The following LPGAT1 variants were observed in gnomAD, a reference collection of about 807,000 sequenced individuals.
The protein encoded by LPGAT1 is lysophosphatidylglycerol acyltransferase 1.
A neutral mutation model predicts 47.5 loss-of-function variants in LPGAT1; 11 were observed. The ratio of observed to expected loss-of-function variants is 0.23; its 90% CI spans 0.15 to 0.38. The LOEUF (loss-of-function observed/expected upper bound fraction) is 0.38, where lower values mean the gene tolerates loss of function less well. Ranked by LOEUF, LPGAT1 falls within the 10% of genes least tolerant of loss-of-function variation. The pLI, the probability that LPGAT1 is intolerant of heterozygous loss-of-function variation, is 1.00. For synonymous variants in LPGAT1, 138 were observed against 144.2 expected (o/e 0.96, Z 0.31); for missense variants, 293 against 439.0 (o/e 0.67, Z 2.97).
intron 2 of LPGAT1, among the ~76,000 whole-genome samples, chr1:211,826,643 C>CTTT (rs1660552248): frequency 6.7e-6 from 1 of 148,984 alleles, no homozygotes; most frequent in Non-Finnish European, 1.5e-5. Context: ...TCATATTACA[C>CTTT]GGAATGTCAT....
chr1:211,799,999 G>T (rs1659507278), intron 2 of LPGAT1, among the ~76,000 whole-genome samples: 1 of 147,638 alleles, frequency 6.8e-6, no homozygotes, highest in Non-Finnish European at 1.5e-5. Context: ...AATACATTCA[G>T]ATCCTCTATT....
chr1:211,779,676 C>A (rs1016577065), intron 5 of LPGAT1, among the ~76,000 whole-genome samples: 1 of 151,800 alleles, frequency 6.6e-6, no homozygotes, highest in Admixed American at 6.6e-5. Flanking sequence ...CGTGGTGAAA[C>A]CCCATCTCTA....
chr1:211,801,747 G>C (rs959110967), intron 2 of LPGAT1, among the ~76,000 whole-genome samples: 2 of 150,368 alleles, frequency 1.3e-5, no homozygotes, highest in African/African-American at 4.9e-5. Context: ...GAGAGGGGAG[G>C]GGAGGAGAAA....
intron 2 of LPGAT1, among the ~76,000 whole-genome samples, chr1:211,808,637 T>C (rs951657740): frequency 5.3e-5 from 8 of 152,190 alleles, no homozygotes; most frequent in Non-Finnish European, 4.4e-5. Flanking sequence ...TAAGATGGTA[T>C]AGCCACTGCA....
At chr1:211,823,000 ATATTAC>A (rs1660414731) in intron 2 of LPGAT1, among the ~76,000 whole-genome samples, 2 of 152,210 alleles carry the variant, frequency 1.3e-5, no homozygotes, top group African/African-American at 4.8e-5. Flanking sequence ...ATCTATAGCT[ATATTAC>A]TTTCAGATGT....
chr1:211,762,367 A>C (rs1016780721), intron 6 of LPGAT1, among the ~76,000 whole-genome samples: 5 of 152,232 alleles, frequency 3.3e-5, no homozygotes, highest in Non-Finnish European at 7.3e-5. Context: ...ATGTGTTGAA[A>C]GACAACCTCT....
intron 2 of LPGAT1, among the ~76,000 whole-genome samples, chr1:211,799,447 T>C (rs1352555086): frequency 1.3e-5 from 2 of 152,080 alleles, no homozygotes; most frequent in African/African-American, 4.8e-5. Context: ...GCACAAAAGG[T>C]TAAGCACTGT....
chr1:211,828,217 C>T (rs2102615079), intron 2 of LPGAT1, among the ~76,000 whole-genome samples: 1 of 152,298 alleles, frequency 6.6e-6, no homozygotes, highest in Middle Eastern at 3.4e-3. Flanking sequence ...AAAGCCTCCA[C>T]ATCTGACAAG....
At chr1:211,791,774 C>CAAACA (rs1659126336) in intron 3 of LPGAT1, among the ~76,000 whole-genome samples, 1 of 121,766 alleles carries the variant, frequency 8.2e-6, no homozygotes, top group Admixed American at 8.2e-5. Context: ...AACAAACAAA[C>CAAACA]AAAAAAAAAA....
intron 6 of LPGAT1, among the ~76,000 whole-genome samples, chr1:211,771,680 T>G (rs1330825762): frequency 6.6e-6 from 1 of 151,872 alleles, no homozygotes; most frequent in Admixed American, 6.6e-5. Context: ...TTTTTTGTAG[T>G]TTTAGTACAG....
At chr1:211,786,738 A>G (rs1658892960) in intron 4 of LPGAT1, among the ~76,000 whole-genome samples, 1 of 152,182 alleles carries the variant, frequency 6.6e-6, no homozygotes, top group South Asian at 2.1e-4. Context: ...TTCCCAAAAC[A>G]TCTCCCATTA....
Position 211,830,662 on chromosome 1 carries a change from G to A in LPGAT1, c.-117C>T, listed in dbSNP as rs1571780189. ...GCGGCGGGGCCGGCGGAAGAAGGCG[G>A]TGGCGGGGCCCTGCCCCGCTCCGGC... On this transcript the variant is annotated 5_prime_UTR_variant, in exon 1 of 8. Transcript: ENST00000366997. This position sits in a 1 kb window ranked among gnomAD's most constrained non-coding sequence, Gnocchi z 5.9. 3 of 1,200,272 alleles carry A rather than the reference G, an allele frequency of 2.5e-6. No individual in the cohort carries two copies. Among genetic ancestry groups the A allele is most frequent in the Non-Finnish European group, 3.1e-6 (3 of 967,578 alleles). The allele number at this position is 1,200,272 out of a possible 1,614,324, so 74.4% of individuals were successfully genotyped here.
intron 2 of LPGAT1, among the ~76,000 whole-genome samples, chr1:211,817,882 T>C (rs970138651): frequency 6.6e-6 from 1 of 152,136 alleles, no homozygotes; most frequent in Non-Finnish European, 1.5e-5. Flanking sequence ...AGAGACAGGC[T>C]GGAGTGCAGT....
intron 2 of LPGAT1, 41 bp from the exon 3 acceptor site, chr1:211,793,231 T>C (rs752540379): frequency 1.5e-6 from 2 of 1,298,528 alleles, no homozygotes; most frequent in Admixed American, 1.8e-5. Flanking sequence ...ATTTTAAAGA[T>C]TTTTATATTA....
intron 2 of LPGAT1, among the ~76,000 whole-genome samples, chr1:211,795,370 G>A (rs1297016534): frequency 2.6e-5 from 4 of 151,954 alleles, no homozygotes; most frequent in African/African-American, 7.2e-5. Flanking sequence ...TTGTTTGTTT[G>A]GTTTTTTTGT....
At chr1:211,817,045 G>A (rs772304907) in intron 2 of LPGAT1, among the ~76,000 whole-genome samples, 3 of 152,022 alleles carry the variant, frequency 2.0e-5, no homozygotes, top group African/African-American at 7.3e-5. Flanking sequence ...TATCCCAACC[G>A]TATAAAACAG....
chr1:211,766,570 A>G (rs548084915), intron 6 of LPGAT1, among the ~76,000 whole-genome samples: 1 of 152,324 alleles, frequency 6.6e-6, no homozygotes, highest in Non-Finnish European at 1.5e-5. Flanking sequence ...CTGCACACAG[A>G]TGGGCATTTT....
In LPGAT1 at chr1:211,770,387, A is replaced by T. The variant is rs898245356; in HGVS notation, c.854+8531T>A. Among the ~76,000 whole-genome samples, 69 of 152,128 alleles carry T rather than the reference A, an allele frequency of 4.5e-4. 1 individual carries two copies. Among genetic ancestry groups the T allele is most frequent in the African/African-American group, 1.6e-3 (68 of 41,434 alleles). ...TGTTTTGCATTTCCCTGATCTTTTC[A>T]TATATTTTTATTTCTATAAACAATG... On this transcript the variant is annotated intron_variant, in intron 6 of 7. Transcript: ENST00000366997.
chr1:211,783,258 C>A lies in LPGAT1; in HGVS notation c.698G>T (p.Ser233Ile), dbSNP rs781025740. ...TTCTTTAGCATCTCCTCCTGCTGGACTTCCATTTTTCTGTTGTGCTACAAG... is the reference window on the plus strand; with the variant it reads ...TTCTTTAGCATCTCCTCCTGCTGGAATTCCATTTTTCTGTTGTGCTACAAG... ...NALVAQQKNG[S>I]PAGGDAKELD... Residue 233 changes from serine (S) to isoleucine (I), a missense_variant, in exon 5 of 8, where the codon AGT becomes ATT. Ser to Ile is a moderately radical substitution (Grantham distance 142). Transcript: ENST00000366997. 3 of 1,612,500 alleles carry A rather than the reference C, an allele frequency of 1.9e-6. No homozygotes were observed. In the South Asian group the frequency reaches 3.3e-5, roughly 18 times the overall value.
Sources: allele counts gnomAD v4.1 joint callset (sites outside exome capture counted in the v4.1 genomes callset), GRCh38; gene constraint gnomAD v4.1.1; non-coding constraint Gnocchi (gnomAD v3.1); transcripts MANE v1.5; gene names NCBI Gene and HGNC (gene_info 2026-07-23, HGNC 2026-07-21).